Variants in KMT5B observed in about 807,000 individuals in gnomAD.
The protein encoded by KMT5B is histone-lysine N-methyltransferase KMT5B.
Under a neutral mutation model 83.2 loss-of-function variants are expected in KMT5B, and 10 were observed. The ratio of observed to expected loss-of-function variants is 0.12; its 90% CI spans 0.07 to 0.20. KMT5B has a LOEUF of 0.20. Among genes scored for constraint, KMT5B ranks in the 10% least tolerant of loss-of-function variants. The probability of loss-of-function intolerance (pLI) is 1.00; values close to 1 mark genes in which losing one functional copy is unlikely to be tolerated. For synonymous variants in KMT5B, 349 were observed against 388.8 expected, an observed-to-expected ratio of 0.90 and a Z score of 1.20; for missense variants, 753 against 1,067.2, an observed-to-expected ratio of 0.71 and a Z score of 4.10.
chr11:68,206,441 T>C (rs1860122716), intron 1 of KMT5B, among the ~76,000 whole-genome samples: 1 of 152,186 alleles, frequency 6.6e-6, no homozygotes, highest in African/African-American at 2.4e-5. Context: ...AGGTGGTTCT[T>C]GGGCTGGACG....
Position 68,158,106 on chromosome 11 carries a change from A to C in KMT5B, c.2240T>G (p.Leu747Ter). Residue 747 changes from leucine to a stop codon, truncating the protein, a stop_gained, in exon 11 of 11, where the codon TTA becomes TGA. Coordinates refer to ENST00000304363, the MANE Select transcript of KMT5B (RefSeq NM_017635.5). LOFTEE classifies it high-confidence loss of function. ...GTTATCGTTGTCATGGTCTTTGCTT[A>C]ACTTGATGCTTATTTTGGAAGAGTT... ...GMNSSKISIK[L>*]SKDHDNDNNL... 1 of 1,614,204 alleles carries C rather than the reference A, an allele frequency of 6.2e-7. No homozygotes were observed. The highest frequency in any genetic ancestry group is 8.5e-7 in the Non-Finnish European group (1 of 1,180,048).
chr11:68,212,963 G>A (rs1319255047), intron 1 of KMT5B, among the ~76,000 whole-genome samples, 175 bp downstream of exon 1: 1 of 131,146 alleles, frequency 7.6e-6, no homozygotes, highest in African/African-American at 2.8e-5. Flanking sequence ...GCACCGGCCC[G>A]GCCGCAGCCC....
chr11:68,170,998 TTTAC>T lies in KMT5B; in HGVS notation c.977+13_977+16del, dbSNP rs769161501. ...AACAAAAAATGTTTAGGCTGAACAT[TTTAC>T]TTAATACCTTACCTTTCGCAAGTGT... On this transcript the variant is annotated intron_variant, in intron 9 of 10. Transcript: ENST00000304363. 6.4e-7 allele frequency: 1 copy of T among 1,566,850 alleles called. No individual in the cohort carries two copies. Among genetic ancestry groups the T allele is most frequent in the South Asian group, 1.2e-5 (1 of 83,948 alleles).
chr11:68,170,708 T>C lies in KMT5B; in HGVS notation c.977+307A>G, dbSNP rs529316831. On this transcript the variant is annotated intron_variant, in intron 9 of 10. Transcript: ENST00000304363. ...GAGTAGCGGCAACCCCATTCTGGCA[T>C]TGCGTGTGTGCATGTGTGTGAGCTA... Among the ~76,000 whole-genome samples the C allele has an allele frequency of 2.0e-4, 31 of 152,302 alleles. 1 individual carries two copies. The East Asian group carries it at 4.1e-3, about 20-fold the overall frequency.
chr11:68,194,939 C>A (rs7950451), intron 1 of KMT5B, among the ~76,000 whole-genome samples: 67,640 of 151,660 alleles, frequency 0.45, 15,674 homozygotes, highest in East Asian at 0.64. Context: ...CTCTGGGAGA[C>A]CAAGGCAAGA....
intron 3 of KMT5B, among the ~76,000 whole-genome samples, 186 bp from the exon 4 acceptor site, chr11:68,180,386 T>C (rs560556887): frequency 6.6e-6 from 1 of 152,346 alleles, no homozygotes; most frequent in African/African-American, 2.4e-5. Flanking sequence ...AATTCTCTGC[T>C]TCCCATAGAA....
intron 1 of KMT5B, among the ~76,000 whole-genome samples, chr11:68,190,590 C>T (rs981716813): frequency 6.6e-6 from 1 of 152,120 alleles, no homozygotes; most frequent in Non-Finnish European, 1.5e-5. Flanking sequence ...TAATCCCGAC[C>T]CTGTGTGGGC....
At chr11:68,168,480 C>T (rs1205034101) in intron 9 of KMT5B, among the ~76,000 whole-genome samples, 1 of 151,926 alleles carries the variant, frequency 6.6e-6, no homozygotes, top group South Asian at 2.1e-4. Flanking sequence ...GAATTATAGG[C>T]GCGCACCACC....
At chr11:68,181,075 CTTTTTTTTT>C (rs71461690) in intron 3 of KMT5B, among the ~76,000 whole-genome samples, 13 of 143,720 alleles carry the variant, frequency 9.0e-5, no homozygotes, top group African/African-American at 3.3e-4. Flanking sequence ...TTTCTTTTTT[CTTTTTTTTT>C]TTTTTTTGGA....
chr11:68,157,653 A>T lies in KMT5B; in HGVS notation c.*35T>A. 1 of 1,502,648 alleles carries T rather than the reference A, an allele frequency of 6.7e-7. No homozygotes were observed. The highest frequency in any genetic ancestry group is 8.9e-7 in the Non-Finnish European group (1 of 1,129,248). The allele number at this position is 1,502,648 out of a possible 1,614,324, so 93.1% of individuals were successfully genotyped here. On this transcript the variant is annotated 3_prime_UTR_variant, in exon 11 of 11. Transcript: ENST00000304363. ...TTGACTGGAATTTTTTATTTCTTTA[A>T]AGTAGTTATCCCAGGTCAAGTTAAG... is the stretch of plus-strand genomic sequence containing the variant.
At chr11:68,159,408 G>A (rs1434336565) in intron 10 of KMT5B, among the ~76,000 whole-genome samples, 2 of 152,170 alleles carry the variant, frequency 1.3e-5, no homozygotes, top group African/African-American at 2.4e-5. Flanking sequence ...CACGGTTAAG[G>A]AGCTTTTCAC....
chr11:68,170,712 G>A (rs113348709), intron 9 of KMT5B, among the ~76,000 whole-genome samples: 4 of 152,266 alleles, frequency 2.6e-5, no homozygotes, highest in East Asian at 1.9e-4. Context: ...CTGGCATTGC[G>A]TGTGTGCATG....
intron 1 of KMT5B, among the ~76,000 whole-genome samples, chr11:68,198,428 G>C (rs958086293): frequency 1.4e-5 from 2 of 147,786 alleles, no homozygotes; most frequent in African/African-American, 4.9e-5. Flanking sequence ...TGAAGGAAAG[G>C]AAAGGAAAAA....
At chr11:68,162,097 A>G (rs762047458) in intron 10 of KMT5B, among the ~76,000 whole-genome samples, 3 of 152,162 alleles carry the variant, frequency 2.0e-5, no homozygotes, top group Non-Finnish European at 4.4e-5. Flanking sequence ...TGTGCCGTGG[A>G]GTCCACCCCT....
At chr11:68,184,674 G>A (rs115513287) in intron 3 of KMT5B, among the ~76,000 whole-genome samples, 1 of 152,168 alleles carries the variant, frequency 6.6e-6, no homozygotes, top group African/African-American at 2.4e-5. Flanking sequence ...TGAAAGTGAT[G>A]GGCCAGAACT....
At chr11:68,194,429 G>C (rs567286045) in intron 1 of KMT5B, among the ~76,000 whole-genome samples, 2 of 152,168 alleles carry the variant, frequency 1.3e-5, no homozygotes, top group Admixed American at 6.5e-5. Context: ...CTGGCCACAA[G>C]CGATCCTCCC....
chr11:68,172,655 C>T (rs942039978), intron 6 of KMT5B, among the ~76,000 whole-genome samples: 1 of 152,118 alleles, frequency 6.6e-6, no homozygotes, highest in African/African-American at 2.4e-5. Context: ...CTTCTCAATT[C>T]AGACTAGCTA....
chr11:68,174,041 AGACC>A, intron 5 of KMT5B, 128 bp from the exon 6 acceptor site: 1 of 715,408 alleles, frequency 1.4e-6, no homozygotes, highest in South Asian at 1.5e-5. Context: ...CAACATAGCG[AGACC>A]CTGTCTCTAC....
rs991831555 is a variant in KMT5B, at chr11:68,156,452, A to G, written c.*1236T>C. ...AATCTGACTCCTTTTTGTTTAACTG[A>G]TAATATAGTCAAAAAAATCTTTGAT... is the stretch of plus-strand genomic sequence containing the variant. On this transcript the variant is annotated 3_prime_UTR_variant, in exon 11 of 11. Coordinates refer to ENST00000304363, the MANE Select transcript of KMT5B (RefSeq NM_017635.5). The G allele has an allele frequency of 6.6e-6, 1 of 152,630 alleles. No homozygotes were observed. Among genetic ancestry groups the G allele is most frequent in the Non-Finnish European group, 1.5e-5 (1 of 68,016 alleles). The allele number at this position is 152,630 out of a possible 1,614,324, so 9.5% of individuals were successfully genotyped here.
Sources: allele counts gnomAD v4.1 joint callset (sites outside exome capture counted in the v4.1 genomes callset), GRCh38; gene constraint gnomAD v4.1.1; transcripts MANE v1.5; gene names NCBI Gene and HGNC (gene_info 2026-07-23, HGNC 2026-07-21).